The following MYCBP2 variants were observed in gnomAD, a reference collection of about 807,000 sequenced individuals.
MYCBP2 encodes the protein E3 ubiquitin-protein ligase MYCBP2.
A neutral mutation model predicts 525.3 loss-of-function variants in MYCBP2; 120 were observed. That is an observed-to-expected ratio of 0.23 (90% confidence interval 0.20 to 0.27). MYCBP2 has a LOEUF of 0.27. Ranked by LOEUF, MYCBP2 falls within the 10% of genes least tolerant of loss-of-function variation. The probability of loss-of-function intolerance (pLI) is 1.00; values close to 1 mark genes in which losing one functional copy is unlikely to be tolerated. For synonymous variants in MYCBP2, 1,894 were observed against 1,955.8 expected (o/e 0.97, Z 0.83); for missense variants, 4,149 against 5,657.1 (o/e 0.73, Z 8.55).
At chr13:77,141,902 G>A (rs1453814509) in intron 49 of MYCBP2, among the ~76,000 whole-genome samples, 3 of 151,910 alleles carry the variant, frequency 2.0e-5, no homozygotes, top group African/African-American at 4.8e-5. Context: ...AAGCAAGGTC[G>A]CAGCCCATTG....
At chr13:77,290,075 A>G (rs2077314812) in intron 2 of MYCBP2, among the ~76,000 whole-genome samples, 1 of 152,206 alleles carries the variant, frequency 6.6e-6, no homozygotes, top group Non-Finnish European at 1.5e-5. Context: ...GATAGGAATA[A>G]ACACATCAAT....
In MYCBP2 at chr13:77,086,299, GC is replaced by G. The variant is rs199871171; in HGVS notation, c.10875+1184del. ...ACTCAGTATTTTAACTTGTAATGTT[GC>G]TACCAAAAATTAAGCAATTATTCTC... On this transcript the variant is annotated intron_variant, in intron 62 of 82. Transcript: ENST00000544440. 9.0e-3 allele frequency among the ~76,000 whole-genome samples: 1,371 copies of G among 152,068 alleles called. 10 individuals carry two copies. Among genetic ancestry groups the G allele is most frequent in the Middle Eastern group, 0.02 (6 of 294 alleles).
intron 4 of MYCBP2, among the ~76,000 whole-genome samples, chr13:77,277,546 T>TA (rs1412843608): frequency 6.6e-6 from 1 of 152,172 alleles, no homozygotes; most frequent in African/African-American, 2.4e-5. Context: ...GACATGTAGT[T>TA]AGGTTCATGC....
At chr13:77,174,224 G>C in intron 37 of MYCBP2, 87 bp downstream of exon 37, 1 of 1,203,804 alleles carries the variant, frequency 8.3e-7, no homozygotes, top group Admixed American at 1.9e-5. Context: ...TTAATTATAA[G>C]TATCCAGTTA....
intron 2 of MYCBP2, among the ~76,000 whole-genome samples, chr13:77,292,996 A>C (rs2077661042): frequency 6.6e-6 from 1 of 151,532 alleles, no homozygotes; most frequent in Non-Finnish European, 1.5e-5. Flanking sequence ...AAAAAAGAAA[A>C]CCCCTGGAGA....
In MYCBP2 at chr13:77,307,714, T is replaced by C. The variant is rs1398187969; in HGVS notation, c.303-11040A>G. Among the ~76,000 whole-genome samples the C allele has an allele frequency of 4.6e-5, 7 of 151,168 alleles. No homozygotes were observed. In the East Asian group the frequency reaches 1.4e-3, roughly 30 times the overall value. On this transcript the variant is annotated intron_variant, in intron 1 of 82. Transcript: ENST00000544440. The stretch of plus-strand genomic sequence containing the variant: ...TCAAACTCATGCAAGTCTATGAGAC[T>C]TCTCAATACCACAAACTTTCTAGTA...
intron 66 of MYCBP2, 40 bp from the exon 67 acceptor site, chr13:77,077,427 G>C (rs764888050): frequency 1.2e-6 from 2 of 1,609,718 alleles, no homozygotes; most frequent in Admixed American, 3.3e-5. Context: ...GATTCAGCTG[G>C]ATCACTTTTA....
At chr13:77,297,166 A>C (rs1285277230) in intron 1 of MYCBP2, among the ~76,000 whole-genome samples, 1 of 152,250 alleles carries the variant, frequency 6.6e-6, no homozygotes, top group African/African-American at 2.4e-5. Flanking sequence ...ACATAGTCCT[A>C]AGACCAAATT....
chr13:77,326,614 C>G lies in MYCBP2; in HGVS notation c.162G>C (p.Gly54=). ...GACCCCGGGAGTCCGCGGCGGGTAG[C>G]CCCAGCCCCAGCCCCGCAGCAGCCA... ...GSVAAAGLGL[G]LPAADSRGHY... Residue 54 remains glycine (G), a synonymous_variant, in exon 1 of 83, where the codon GGG becomes GGC. Transcript: ENST00000544440. The surrounding 1 kb of genome is among the most constrained non-coding windows in gnomAD (Gnocchi z 4.2). 2 of 1,563,596 alleles carry G rather than the reference C, an allele frequency of 1.3e-6. No homozygotes were observed. Among genetic ancestry groups the G allele is most frequent in the Non-Finnish European group, 1.7e-6 (2 of 1,158,388 alleles).
intron 26 of MYCBP2, among the ~76,000 whole-genome samples, chr13:77,195,996 G>T (rs1280054220): frequency 6.6e-6 from 1 of 152,130 alleles, no homozygotes; most frequent in South Asian, 2.1e-4. Context: ...GGGCATAAAG[G>T]GGCAAACAAT....
Position 77,296,645 on chromosome 13 carries a change from A to C in MYCBP2, c.332T>G (p.Leu111Trp). 6.6e-7 allele frequency: 1 copy of C among 1,516,510 alleles called. No individual in the cohort carries two copies. Among genetic ancestry groups the C allele is most frequent in the Non-Finnish European group, 9.0e-7 (1 of 1,117,280 alleles). 93.9% of individuals were successfully genotyped at this position (1,516,510 alleles called of 1,614,324 possible). Residue 111 changes from leucine (L) to tryptophan (W), a missense_variant, in exon 2 of 83, where the codon TTG becomes TGG. Leu to Trp is a moderately conservative substitution (Grantham distance 61). Transcript: ENST00000544440. ...RNKKILNKKK[L>W]KRKQKSKSKV... ...TGATTTGCTCTTCTGTTTTCTTTTC[A>C]ATTTCTTCTTATTTAAAATTTTCTT...
chr13:77,103,278 G>A (rs1335888626), intron 55 of MYCBP2: 5 of 397,576 alleles, frequency 1.3e-5, no homozygotes, highest in African/African-American at 2.1e-5. Context: ...TTGTAAATGC[G>A]CTCACGAGAA....
chr13:77,220,636 C>A (rs560451317), intron 20 of MYCBP2, among the ~76,000 whole-genome samples: 2 of 152,254 alleles, frequency 1.3e-5, no homozygotes, highest in East Asian at 3.9e-4. Flanking sequence ...CCAACTGTAA[C>A]CCTTTATTTC....
At chr13:77,088,521 C>T (rs988426335) in intron 61 of MYCBP2, among the ~76,000 whole-genome samples, 27 of 151,992 alleles carry the variant, frequency 1.8e-4, no homozygotes, top group African/African-American at 6.3e-4. Flanking sequence ...TCCATGATTA[C>T]TCTGTCATTT....
intron 1 of MYCBP2, among the ~76,000 whole-genome samples, chr13:77,298,038 C>A (rs777597288): frequency 4.6e-5 from 7 of 152,314 alleles, no homozygotes; most frequent in East Asian, 1.9e-4. Context: ...CTTCTCAATT[C>A]TCTTAAGATA....
chr13:77,326,831 A>G lies in MYCBP2; in HGVS notation c.-56T>C. 1.5e-6 allele frequency: 2 copies of G among 1,367,698 alleles called. No individual in the cohort carries two copies. Among genetic ancestry groups the G allele is most frequent in the Non-Finnish European group, 9.3e-7 (1 of 1,071,438 alleles). The allele number at this position is 1,367,698 out of a possible 1,614,324, so 84.7% of individuals were successfully genotyped here. On this transcript the variant is annotated 5_prime_UTR_variant, in exon 1 of 83. Coordinates refer to ENST00000544440, the MANE Select transcript of MYCBP2 (RefSeq NM_015057.5). This position sits in a 1 kb window ranked among gnomAD's most constrained non-coding sequence, Gnocchi z 4.2. ...GTCCCCGCGGGCCGGGCGGGCAGACACGCGCGCGCACACACAGCCCTTTTC... is the reference window on the plus strand; with the variant it reads ...GTCCCCGCGGGCCGGGCGGGCAGACGCGCGCGCGCACACACAGCCCTTTTC...
intron 56 of MYCBP2, 74 bp downstream of exon 56, chr13:77,097,296 G>A (rs2046412001): frequency 8.6e-6 from 13 of 1,520,240 alleles, no homozygotes; most frequent in Non-Finnish European, 1.1e-5. Flanking sequence ...AAAATTCATA[G>A]AACAGCTCAA....
intron 28 of MYCBP2, 136 bp from the exon 29 acceptor site, chr13:77,190,471 T>C: frequency 5.1e-6 from 3 of 583,714 alleles, no homozygotes; most frequent in Non-Finnish European, 5.9e-6. Flanking sequence ...AAAGGTATTT[T>C]CTAGATTTTC....
Position 77,245,744 on chromosome 13 carries a change from AACACACACACACACACACACAC to A in MYCBP2, c.2382-1815_2382-1794del, listed in dbSNP as rs71102727. ...GCACATGTATCCCAGAACGTAAAGT[AACACACACACACACACACACAC>A]ACACACACACACACACAAAGGAAAT... On this transcript the variant is annotated intron_variant, in intron 15 of 82. Transcript: ENST00000544440. Among the ~76,000 whole-genome samples, 377 of 143,170 alleles carry A rather than the reference AACACACACACACACACACACAC, an allele frequency of 2.6e-3. 1 individual carries two copies. Among genetic ancestry groups the A allele is most frequent in the Non-Finnish European group, 3.9e-3 (260 of 65,940 alleles). The allele number at this position is 143,170 out of a possible 152,430, so 93.9% of individuals were successfully genotyped here.
Sources: gnomAD v4.1 joint callset for allele counts (sites outside exome capture counted in the v4.1 genomes callset) on GRCh38, gnomAD v4.1.1 for gene constraint, Gnocchi (gnomAD v3.1) non-coding constraint, MANE v1.5 for transcripts, NCBI Gene and HGNC (gene_info 2026-07-23, HGNC 2026-07-21) for gene names.